GAP43: variants seen among roughly 807,000 people sequenced by gnomAD.
The protein encoded by GAP43 is neuromodulin.
Under a neutral mutation model 18.6 loss-of-function variants are expected in GAP43, and 6 were observed. That is an observed-to-expected ratio of 0.32 (90% CI 0.18 to 0.64). The LOEUF is 0.64. Ranked by LOEUF, GAP43 falls within the 30% of genes least tolerant of loss-of-function variation. The probability of loss-of-function intolerance (pLI) is 0.78; values close to 1 mark genes in which losing one functional copy is unlikely to be tolerated. For missense variants in GAP43, 292 were observed against 295.5 expected, an observed-to-expected ratio of 0.99 and a Z score of 0.09; for synonymous variants, 115 against 111.4, an observed-to-expected ratio of 1.03 and a Z score of -0.20.
At chr3:115,717,350 C>T (rs186337006) in intron 2 of GAP43, among the ~76,000 whole-genome samples, 221 of 150,860 alleles carry the variant, frequency 1.5e-3, no homozygotes, top group African/African-American at 5.1e-3. Flanking sequence ...ACTTTTGTCC[C>T]CCAGGCCGGA....
chr3:115,684,747 A>C (rs1709012895), intron 2 of GAP43, among the ~76,000 whole-genome samples: 1 of 152,202 alleles, frequency 6.6e-6, no homozygotes, highest in Non-Finnish European at 1.5e-5. Flanking sequence ...GATTAAAGCT[A>C]TCTACGATGA....
chr3:115,675,023 C>A (rs1708862651), intron 1 of GAP43, among the ~76,000 whole-genome samples: 1 of 152,196 alleles, frequency 6.6e-6, no homozygotes, highest in South Asian at 2.1e-4. Flanking sequence ...TTTCAGAGCT[C>A]TTTAATAAAA....
At chr3:115,628,012 T>G (rs1708212317) in intron 1 of GAP43, among the ~76,000 whole-genome samples, 1 of 152,120 alleles carries the variant, frequency 6.6e-6, no homozygotes, top group Non-Finnish European at 1.5e-5. Context: ...AAATGAACAC[T>G]TTGCTTACCT....
At chr3:115,646,170 G>C (rs1329349686) in intron 1 of GAP43, among the ~76,000 whole-genome samples, 2 of 152,094 alleles carry the variant, frequency 1.3e-5, no homozygotes, top group Admixed American at 1.3e-4. Context: ...GGGTAAGTCA[G>C]CCTTAGATAA....
intron 2 of GAP43, among the ~76,000 whole-genome samples, chr3:115,696,263 C>A (rs987545915): frequency 6.6e-6 from 1 of 152,100 alleles, no homozygotes; most frequent in Admixed American, 6.6e-5. Context: ...TTTCTCATCT[C>A]AGGAAATGAC....
chr3:115,695,436 T>C (rs1026704494), intron 2 of GAP43, among the ~76,000 whole-genome samples: 3 of 152,208 alleles, frequency 2.0e-5, no homozygotes, highest in Non-Finnish European at 4.4e-5. Context: ...TTAAGAGAAG[T>C]GACAATATGG....
rs765169963 is a variant in GAP43, at chr3:115,676,329, G to A, written c.347G>A (p.Gly116Asp). The A allele has an allele frequency of 1.2e-6, 2 of 1,614,110 alleles. No individual in the cohort carries two copies. Among genetic ancestry groups the A allele is most frequent in the Non-Finnish European group, 1.7e-6 (2 of 1,179,988 alleles). The change falls in exon 2 of 3, where the codon GGT becomes GAT. Residue 116 changes from glycine to aspartate, a missense_variant. By Grantham distance (94) the Gly-to-Asp change is moderately conservative. Coordinates refer to ENST00000305124, the MANE Select transcript of GAP43 (RefSeq NM_002045.4). ...ETPSEEKKGE[G>D]DAATEQAAPQ... is the part of the protein sequence containing the mutation. ...CCTTCCGAGGAGAAGAAGGGGGAGG[G>A]TGATGCTGCCACAGAGCAGGCAGCC...
intron 2 of GAP43, among the ~76,000 whole-genome samples, chr3:115,702,256 A>G (rs1044045846): frequency 2.0e-5 from 3 of 152,134 alleles, no homozygotes; most frequent in Admixed American, 6.6e-5. Context: ...GCTTACAGTG[A>G]TCTTTAAGGA....
At chr3:115,709,653 A>G (rs1287329817) in intron 2 of GAP43, among the ~76,000 whole-genome samples, 1 of 152,178 alleles carries the variant, frequency 6.6e-6, no homozygotes, top group Non-Finnish European at 1.5e-5. Flanking sequence ...ATGCTAATGA[A>G]CCAAATCATA....
chr3:115,654,437 C>G (rs1708556467), intron 1 of GAP43, among the ~76,000 whole-genome samples: 1 of 152,166 alleles, frequency 6.6e-6, no homozygotes, highest in Non-Finnish European at 1.5e-5. Flanking sequence ...GATGAGCAGA[C>G]CCAATGCTAC....
At chr3:115,638,316 C>T (rs1708355094) in intron 1 of GAP43, among the ~76,000 whole-genome samples, 1 of 152,084 alleles carries the variant, frequency 6.6e-6, no homozygotes. Context: ...TTTCTAGTTT[C>T]TGCTTAACAA....
At chr3:115,711,636 C>T (rs1709439680) in intron 2 of GAP43, among the ~76,000 whole-genome samples, 1 of 152,136 alleles carries the variant, frequency 6.6e-6, no homozygotes, top group African/African-American at 2.4e-5. Flanking sequence ...CTCATAATTT[C>T]TCAGTGCCAT....
intron 2 of GAP43, among the ~76,000 whole-genome samples, chr3:115,704,773 G>A (rs1451541631): frequency 3.3e-5 from 5 of 152,014 alleles, no homozygotes; most frequent in Admixed American, 2.0e-4. Flanking sequence ...TCTAATGGAG[G>A]ATCGCTGAAT....
chr3:115,701,041 T>G (rs1488276736), intron 2 of GAP43, among the ~76,000 whole-genome samples: 1 of 152,112 alleles, frequency 6.6e-6, no homozygotes, highest in African/African-American at 2.4e-5. Flanking sequence ...AGGAAAGCTA[T>G]GTTCCCTGTT....
At position 115,634,598 on chromosome 3, in the gene GAP43, TG is replaced by T. The variant is rs963353786; in HGVS notation, c.30+10880del. ...CAGCCTGGGAAACATAGTGAGACCT[TG>T]TTTCTACAAAAAATAAAAAAATTAG... On this transcript the variant is annotated intron_variant, in intron 1 of 2. Coordinates refer to ENST00000305124, the MANE Select transcript of GAP43 (RefSeq NM_002045.4). Among the ~76,000 whole-genome samples the T allele has an allele frequency of 9.2e-5, 14 of 152,008 alleles. 2 individuals are homozygous for T. The highest frequency in any genetic ancestry group is 3.4e-4 in the African/African-American group (14 of 41,468).
intron 1 of GAP43, among the ~76,000 whole-genome samples, chr3:115,659,730 G>A (rs946118032): frequency 1.3e-5 from 2 of 152,172 alleles, no homozygotes; most frequent in East Asian, 1.9e-4. Flanking sequence ...GAGGGTAGAC[G>A]AGCTGTAGAG....
intron 2 of GAP43, among the ~76,000 whole-genome samples, chr3:115,699,171 T>G (rs958072433): frequency 6.6e-6 from 1 of 152,214 alleles, no homozygotes; most frequent in Non-Finnish European, 1.5e-5. Context: ...CTACCTCCGC[T>G]ATTCATCTTG....
At chr3:115,698,689 A>G (rs953033500) in intron 2 of GAP43, among the ~76,000 whole-genome samples, 5 of 152,048 alleles carry the variant, frequency 3.3e-5, no homozygotes, top group African/African-American at 9.7e-5. Flanking sequence ...TGCTACCTGA[A>G]AAATCCCAAT....
intron 1 of GAP43, among the ~76,000 whole-genome samples, chr3:115,669,896 A>G (rs956455101): frequency 2.0e-5 from 3 of 151,124 alleles, no homozygotes; most frequent in African/African-American, 7.3e-5. Context: ...TACCCTAGGT[A>G]TGAGGTCTTC....
Sources: gnomAD v4.1 joint callset for allele counts (sites outside exome capture counted in the v4.1 genomes callset) on GRCh38, gnomAD v4.1.1 for gene constraint, MANE v1.5 for transcripts, NCBI Gene and HGNC (gene_info 2026-07-23, HGNC 2026-07-21) for gene names.